Variants in PALM observed in about 807,000 individuals in gnomAD.
The protein encoded by PALM is paralemmin, also known as paralemmin-1.
Under a neutral mutation model 30.7 loss-of-function variants are expected in PALM, and 18 were observed. The ratio of observed to expected loss-of-function variants is 0.59; its 90% CI spans 0.41 to 0.87. The LOEUF (loss-of-function observed/expected upper bound fraction) is 0.87, where lower values mean the gene tolerates loss of function less well. Among genes scored for constraint, PALM ranks in the 40% least tolerant of loss-of-function variants. The pLI, the probability that PALM is intolerant of heterozygous loss-of-function variation, is 0.00. For missense variants in PALM, 529 were observed against 555.4 expected (o/e 0.95, Z 0.48); for synonymous variants, 286 against 242.8 (o/e 1.18, Z -1.66).
intron 1 of PALM, among the ~76,000 whole-genome samples, chr19:720,017 A>C (rs912258912): frequency 5.3e-5 from 8 of 151,692 alleles, no homozygotes; most frequent in Non-Finnish European, 7.4e-5. Flanking sequence ...CCCCTCCCGG[A>C]TGGAAGCCCC....
intron 7 of PALM, 38 bp downstream of exon 7, chr19:736,116 C>T (rs201178484): frequency 3.9e-5 from 55 of 1,418,592 alleles, no homozygotes; most frequent in East Asian, 1.0e-4. Flanking sequence ...CAGATCCAGC[C>T]GCTGTCAGGG....
Position 727,648 on chromosome 19 carries a change from C to T in PALM, c.223C>T (p.Gln75Ter). 1 of 1,570,860 alleles carries T rather than the reference C, an allele frequency of 6.4e-7. No homozygotes were observed. Among genetic ancestry groups the T allele is most frequent in the Non-Finnish European group, 8.6e-7 (1 of 1,157,918 alleles). ...EGDEDLRRQM[Q>*]DDEQKTRLLE... is the part of the protein sequence containing the mutation. ...GGATGAGGACCTGAGGAGGCAGATG[C>T]AGGACGACGAGCAGAAGACACGGCT... The change falls in exon 4 of 9, where the codon CAG (glutamine) becomes TAG (stop). Residue 75 changes from glutamine to a stop codon, truncating the protein, a stop_gained. Coordinates refer to ENST00000338448, the MANE Select transcript of PALM (RefSeq NM_002579.3). LOFTEE classifies it high-confidence loss of function.
chr19:740,534 A>C (rs918375358), intron 8 of PALM, 51 bp downstream of exon 8: 2 of 1,505,248 alleles, frequency 1.3e-6, no homozygotes, highest in Non-Finnish European at 1.8e-6. Context: ...AGAGCCCCGA[A>C]CACGTGTGCT....
intron 5 of PALM, 38 bp from the exon 6 acceptor site, chr19:734,135 T>C: frequency 1.9e-6 from 3 of 1,612,556 alleles, no homozygotes; most frequent in Non-Finnish European, 2.5e-6. Flanking sequence ...TTCCCGGGGA[T>C]GCTGACGCCC....
intron 1 of PALM, among the ~76,000 whole-genome samples, chr19:718,436 C>A (rs2032340368): frequency 6.6e-6 from 1 of 152,082 alleles, no homozygotes; most frequent in Non-Finnish European, 1.5e-5. Flanking sequence ...TGGGGAGGGA[C>A]CATGGGGCCT....
chr19:730,695 GGA>G (rs2032842617), intron 4 of PALM, among the ~76,000 whole-genome samples: 2 of 152,056 alleles, frequency 1.3e-5, no homozygotes, highest in East Asian at 1.9e-4. Flanking sequence ...GGGCTGCCTG[GGA>G]GCCTTAAATT....
chr19:733,812 C>T (rs537510747), intron 5 of PALM, among the ~76,000 whole-genome samples: 1 of 152,162 alleles, frequency 6.6e-6, no homozygotes, highest in African/African-American at 2.4e-5. Context: ...CATGGAGAAA[C>T]CCCGTCTCTA....
chr19:733,714 G>C (rs1435530566), intron 5 of PALM, among the ~76,000 whole-genome samples: 2 of 152,158 alleles, frequency 1.3e-5, no homozygotes, highest in South Asian at 4.1e-4. Flanking sequence ...TGGAGCGGAC[G>C]TGGTGGCTCA....
Position 746,576 on chromosome 19 carries a change from A to G in PALM, c.926A>G (p.Glu309Gly), listed in dbSNP as rs1411724962. The G allele has an allele frequency of 3.7e-6, 6 of 1,613,330 alleles. No homozygotes were observed. The highest frequency in any genetic ancestry group is 4.2e-6 in the Non-Finnish European group (5 of 1,179,918). The stretch of plus-strand genomic sequence containing the variant: ...ATCTTCATGGGTTACCAGAACGTGG[A>G]GGATGAGGCCGAGACCAAGAAGGTG... Reference protein sequence around the residue: ...TMIFMGYQNVEDEAETKKVLG... With the variant: ...TMIFMGYQNVGDEAETKKVLG... Residue 309 changes from glutamate to glycine, a missense_variant, in exon 9 of 9, where the codon GAG becomes GGG. Transcript: ENST00000338448. This position sits in a 1 kb window ranked among gnomAD's most constrained non-coding sequence, Gnocchi z 7.1.
Position 746,868 on chromosome 19 carries a change from G to A in PALM, c.*54G>A, listed in dbSNP as rs1223747549. 6 of 1,010,484 alleles carry A rather than the reference G, an allele frequency of 5.9e-6. No homozygotes were observed. The highest frequency in any genetic ancestry group is 1.6e-5 in the South Asian group (1 of 61,144). The allele number at this position is 1,010,484 out of a possible 1,614,324, so 62.6% of individuals were successfully genotyped here. On this transcript the variant is annotated 3_prime_UTR_variant, in exon 9 of 9. Transcript: ENST00000338448. This position sits in a 1 kb window ranked among gnomAD's most constrained non-coding sequence, Gnocchi z 7.1. The stretch of plus-strand genomic sequence containing the variant: ...CCACACCACAGACACCCACCAGCCC[G>A]GCCCCTCCCGGCGCCTGCCCACCCT...
chr19:719,031 C>A (rs145617179), intron 1 of PALM: 11,245 of 627,964 alleles, frequency 0.018, 183 homozygotes, highest in Middle Eastern at 0.025. Context: ...CCGCGTGACT[C>A]CCCCACCCCC....
At chr19:718,318 CG>C (rs938335444) in intron 1 of PALM, among the ~76,000 whole-genome samples, 8 of 152,284 alleles carry the variant, frequency 5.3e-5, no homozygotes, top group African/African-American at 1.9e-4. Context: ...GCCTGAGGCC[CG>C]GGGAGGTCTG....
chr19:729,168 A>G (rs191077089), intron 4 of PALM, among the ~76,000 whole-genome samples: 230 of 121,152 alleles, frequency 1.9e-3, no homozygotes, highest in Non-Finnish European at 3.6e-3. Flanking sequence ...CTCTACTAAA[A>G]ATGCAAAAAT....
chr19:712,341 G>A (rs2032106694), intron 1 of PALM, among the ~76,000 whole-genome samples: 1 of 151,994 alleles, frequency 6.6e-6, no homozygotes, highest in African/African-American at 2.4e-5. Flanking sequence ...CCTTTTCCAT[G>A]GCCCTGTTCC....
chr19:719,648 C>A, intron 1 of PALM: 1 of 985,304 alleles, frequency 1.0e-6, no homozygotes, highest in Non-Finnish European at 1.2e-6. Flanking sequence ...TCAGCTCCTC[C>A]GCCCAGCATG....
chr19:731,320 C>A (rs2032868688), intron 5 of PALM, 75 bp downstream of exon 5: 1 of 1,352,120 alleles, frequency 7.4e-7, no homozygotes, highest in Non-Finnish European at 1.0e-6. Context: ...CCCAGCCCTT[C>A]CATGTCAGCG....
intron 1 of PALM, among the ~76,000 whole-genome samples, chr19:715,082 A>G (rs1171485602): frequency 6.6e-6 from 1 of 152,064 alleles, no homozygotes. Context: ...TGGCCAACAT[A>G]GTGAAACCCC....
intron 5 of PALM, among the ~76,000 whole-genome samples, chr19:732,084 C>T (rs2032895532): frequency 6.6e-6 from 1 of 152,202 alleles, no homozygotes; most frequent in Non-Finnish European, 1.5e-5. Flanking sequence ...TCCAGCGATC[C>T]TCCTGCCTCC....
At chr19:730,700 CT>C (rs2032842894) in intron 4 of PALM, among the ~76,000 whole-genome samples, 2 of 152,054 alleles carry the variant, frequency 1.3e-5, no homozygotes, top group East Asian at 1.9e-4. Context: ...GCCTGGGAGC[CT>C]TAAATTCAGA....
Sources: allele counts gnomAD v4.1 joint callset (sites outside exome capture counted in the v4.1 genomes callset), GRCh38; gene constraint gnomAD v4.1.1; non-coding constraint Gnocchi (gnomAD v3.1); transcripts MANE v1.5; gene names NCBI Gene and HGNC (gene_info 2026-07-23, HGNC 2026-07-21).